Variants in RPGRIP1 observed in about 807,000 individuals in gnomAD.
The protein encoded by RPGRIP1 is X-linked retinitis pigmentosa GTPase regulator-interacting protein 1.
Under a neutral mutation model 157.9 loss-of-function variants are expected in RPGRIP1, and 128 were observed. That is an observed-to-expected ratio of 0.81 (90% confidence interval 0.70 to 0.94). The LOEUF (loss-of-function observed/expected upper bound fraction) is 0.94. Ranked by LOEUF, RPGRIP1 falls within the 40% of genes least tolerant of loss-of-function variation. RPGRIP1 has a pLI of 0.00. For missense variants in RPGRIP1, 1,486 were observed against 1,545.8 expected (o/e 0.96, Z 0.65); for synonymous variants, 554 against 571.6 (o/e 0.97, Z 0.44).
intron 1 of RPGRIP1, among the ~76,000 whole-genome samples, chr14:21,286,025 T>C (rs1280286127): frequency 2.0e-5 from 3 of 152,046 alleles, no homozygotes; most frequent in East Asian, 3.8e-4. Flanking sequence ...GTTTTGCTCT[T>C]GTTGCCCAGG....
At chr14:21,347,072 T>C (rs373769600) in intron 23 of RPGRIP1, among the ~76,000 whole-genome samples, 8 of 152,234 alleles carry the variant, frequency 5.3e-5, no homozygotes, top group African/African-American at 1.2e-4. Flanking sequence ...CACTTTTTTT[T>C]CCCCAGCATT....
At chr14:21,320,390 A>T (rs1435418977) in intron 12 of RPGRIP1, among the ~76,000 whole-genome samples, 1 of 151,424 alleles carries the variant, frequency 6.6e-6, no homozygotes, top group Non-Finnish European at 1.5e-5. Context: ...CCTGGGGTTC[A>T]CGCCGTTCTC....
intron 6 of RPGRIP1, among the ~76,000 whole-genome samples, chr14:21,304,684 T>A (rs1566673459): frequency 6.6e-6 from 1 of 152,132 alleles, no homozygotes; most frequent in Non-Finnish European, 1.5e-5. Context: ...CCTCCCCAAC[T>A]ATCAGCACCC....
intron 3 of RPGRIP1, among the ~76,000 whole-genome samples, chr14:21,300,642 C>A (rs941622575): frequency 3.7e-5 from 5 of 136,668 alleles, no homozygotes; most frequent in Non-Finnish European, 6.2e-5. Flanking sequence ...TTTATTAGTA[C>A]AAAAACAAGT....
At chr14:21,347,189 G>T (rs1681499595) in intron 23 of RPGRIP1, among the ~76,000 whole-genome samples, 1 of 152,170 alleles carries the variant, frequency 6.6e-6, no homozygotes, top group Admixed American at 6.5e-5. Flanking sequence ...GTATGGTCTA[G>T]CAGACAGAGC....
chr14:21,304,389 GAGAAAGAAAGAAAGAAAGAAAGAA>G (rs4058350), intron 6 of RPGRIP1, among the ~76,000 whole-genome samples: 43 of 121,034 alleles, frequency 3.6e-4, no homozygotes, highest in African/African-American at 8.8e-4. Context: ...GAAGGAGAGA[GAGAAAGAAAGAAAGAAAGAAAGAA>G]AGAAAGAAAG....
chr14:21,280,786 C>T (rs192562137), intron 1 of RPGRIP1, among the ~76,000 whole-genome samples: 1 of 151,968 alleles, frequency 6.6e-6, no homozygotes, highest in East Asian at 1.9e-4. Flanking sequence ...ACACTGTTCT[C>T]TCCCCAATTT....
At chr14:21,351,051 C>T in intron 24 of RPGRIP1, 53 bp from the exon 25 acceptor site, 1 of 980,094 alleles carries the variant, frequency 1.0e-6, no homozygotes, top group South Asian at 1.5e-5. Flanking sequence ...TGACAAATAC[C>T]AAGTATCAAA....
intron 20 of RPGRIP1, among the ~76,000 whole-genome samples, chr14:21,332,173 A>G (rs1445399896): frequency 5.3e-5 from 8 of 152,040 alleles, no homozygotes; most frequent in African/African-American, 1.9e-4. Context: ...TCTTGACCTC[A>G]AGTGATCCAC....
intron 2 of RPGRIP1, among the ~76,000 whole-genome samples, chr14:21,289,093 C>G (rs1282080107): frequency 6.6e-6 from 1 of 151,936 alleles, no homozygotes; most frequent in Admixed American, 6.6e-5. Flanking sequence ...TTTGGGAGGC[C>G]GAGACGGGCA....
At position 21,334,631 on chromosome 14, in the gene RPGRIP1, G is replaced by C. The variant is rs1484576539; in HGVS notation, c.3265G>C (p.Glu1089Gln). The C allele has an allele frequency of 1.9e-6, 3 of 1,608,792 alleles. No individual in the cohort carries two copies. The Admixed American group carries it at 5.1e-5, about 27-fold the overall frequency. Residue 1089 changes from glutamate to glutamine, a missense_variant, in exon 21 of 25, where the codon GAA becomes CAA. Transcript: ENST00000400017. ...NDKESSEQGS[E>Q]VSEAQTTDSD... ...CAAAGAATCCTCTGAACAAGGTTCTGAAGTCAGTGAAGCACAAACTACCGA... is the reference window on the plus strand; with the variant it reads ...CAAAGAATCCTCTGAACAAGGTTCTCAAGTCAGTGAAGCACAAACTACCGA...
chr14:21,325,949 T>C lies in RPGRIP1; in HGVS notation c.2486T>C (p.Phe829Ser). 1 of 1,613,986 alleles carries C rather than the reference T, an allele frequency of 6.2e-7. No homozygotes were observed. The highest frequency in any genetic ancestry group is 8.5e-7 in the Non-Finnish European group (1 of 1,179,866). The part of the protein sequence containing the change: ...QPSPYAVYRF[F>S]TFSDHDTAII... ...AGTCCATATGCTGTGTACCGCTTCT[T>C]CACCTTTTCTGACCATGACACTGCC... Residue 829 changes from phenylalanine to serine, a missense_variant, in exon 17 of 25, where the codon TTC (phenylalanine) becomes TCC (serine). Transcript: ENST00000400017.
intron 5 of RPGRIP1, chr14:21,303,114 C>T (rs1172988148): frequency 1.3e-5 from 6 of 447,344 alleles, no homozygotes; most frequent in East Asian, 4.4e-5. Context: ...GTGATCTGCT[C>T]GCCTTGGCCT....
rs753213226 is a variant in RPGRIP1, at chr14:21,325,006, A to G, written c.2151A>G (p.Gly717=). The G allele has an allele frequency of 6.2e-7, 1 of 1,613,982 alleles. No individual in the cohort carries two copies. Among genetic ancestry groups the G allele is most frequent in the Non-Finnish European group, 8.5e-7 (1 of 1,179,880 alleles). ...MASEHSTLAA[G]WICFDRVLET... ...GTGAACACAGCACTCTTGCTGCAGGATGGATTTGCTTTGACAGGGTGCTAG... is the reference window on the plus strand; with the variant it reads ...GTGAACACAGCACTCTTGCTGCAGGGTGGATTTGCTTTGACAGGGTGCTAG... The change falls in exon 15 of 25, where the codon GGA becomes GGG. Residue 717 remains glycine (G), a synonymous_variant. Transcript: ENST00000400017.
chr14:21,324,788 G>A lies in RPGRIP1; in HGVS notation c.1933G>A (p.Ala645Thr), dbSNP rs1423554687. ...CCTGACATCTGCCGCCCTAGCTCAG[G>A]CTGGAGATACCCAACCTACCACTTT... ...AFLTSAALAQ[A>T]GDTQPTTFCT... The change falls in exon 15 of 25, where the codon GCT becomes ACT. Residue 645 changes from alanine (A) to threonine (T), a missense_variant. By Grantham distance (58) the Ala-to-Thr change is moderately conservative (BLOSUM62 0). Coordinates refer to ENST00000400017, the MANE Select transcript of RPGRIP1 (RefSeq NM_020366.4). 2.5e-6 allele frequency: 4 copies of A among 1,613,914 alleles called. No individual in the cohort carries two copies. The highest frequency in any genetic ancestry group is 3.4e-6 in the Non-Finnish European group (4 of 1,179,916).
chr14:21,309,371 G>A (rs1881452271), intron 7 of RPGRIP1, among the ~76,000 whole-genome samples: 1 of 152,002 alleles, frequency 6.6e-6, no homozygotes, highest in African/African-American at 2.4e-5. Context: ...AATTAGACAG[G>A]CATCGTGATG....
rs752720899 is a variant in RPGRIP1 at position 21,317,713 on chromosome 14, A to T, written c.1169A>T (p.Asp390Val). Residue 390 changes from aspartate (D) to valine (V), a missense_variant, in exon 11 of 25, where the codon GAC becomes GTC. By Grantham distance (152) the Asp-to-Val change is radical. Coordinates refer to ENST00000400017, the MANE Select transcript of RPGRIP1 (RefSeq NM_020366.4). ...ATTGCCAGCATGCTGGACAGCAGTGACAGCTCCAGTCAGCCCCACTGGAGC... is the reference window on the plus strand; with the variant it reads ...ATTGCCAGCATGCTGGACAGCAGTGTCAGCTCCAGTCAGCCCCACTGGAGC... The part of the protein sequence containing the change: ...KLLESMLDSS[D>V]SSSQPHWSNE... 1.8e-5 allele frequency: 28 copies of T among 1,586,548 alleles called. No homozygotes were observed. The South Asian group carries it at 3.1e-4, about 18-fold the overall frequency.
At chr14:21,302,408 C>A in intron 4 of RPGRIP1, 80 bp from the exon 5 acceptor site, 3 of 686,064 alleles carry the variant, frequency 4.4e-6, no homozygotes, top group Non-Finnish European at 6.7e-6. Context: ...CTATGCCCAG[C>A]CCTTCATGTT....
At chr14:21,342,725 A>G (rs570747926) in intron 21 of RPGRIP1, among the ~76,000 whole-genome samples, 1 of 152,196 alleles carries the variant, frequency 6.6e-6, no homozygotes, top group Non-Finnish European at 1.5e-5. Flanking sequence ...TCCGAATCAG[A>G]CATTTTTTTT....
Sources: allele counts gnomAD v4.1 joint callset (sites outside exome capture counted in the v4.1 genomes callset), GRCh38; gene constraint gnomAD v4.1.1; transcripts MANE v1.5; gene names NCBI Gene and HGNC (gene_info 2026-07-23, HGNC 2026-07-21).